The following ITGB4 variants were observed in gnomAD, a reference collection of about 807,000 sequenced individuals.
ITGB4 encodes integrin subunit beta 4, also known as integrin beta-4.
ITGB4 carries 159 observed loss-of-function variants against 207.6 expected under a neutral mutation model. The observed-to-expected ratio is 0.77, with a 90% CI of 0.67 to 0.87. The LOEUF (loss-of-function observed/expected upper bound fraction) is 0.87, where lower values mean the gene tolerates loss of function less well. Ranked by LOEUF, ITGB4 falls within the 40% of genes least tolerant of loss-of-function variation. The probability of loss-of-function intolerance (pLI) is 0.00; values close to 1 mark genes in which losing one functional copy is unlikely to be tolerated. For synonymous variants in ITGB4, 1,020 were observed against 1,062.7 expected (o/e 0.96, Z 0.78); for missense variants, 2,278 against 2,546.8 (o/e 0.89, Z 2.27).
chr17:75,734,828 G>A (rs186948239), intron 13 of ITGB4, among the ~76,000 whole-genome samples: 1 of 152,326 alleles, frequency 6.6e-6, no homozygotes, highest in African/African-American at 2.4e-5. Flanking sequence ...GAGAGAGGAA[G>A]GGAGGAAGGT....
At chr17:75,747,810 G>A (rs774149345) in intron 26 of ITGB4, among the ~76,000 whole-genome samples, 1 of 152,136 alleles carries the variant, frequency 6.6e-6, no homozygotes, top group African/African-American at 2.4e-5. Flanking sequence ...CCACCATGCC[G>A]GGCTAATGAC....
rs1221414586 is a variant in ITGB4 at position 75,743,697 on chromosome 17, C to T, written c.2963-16C>T. ...TGGGCCCAGCACACTCTGACAAATG[C>T]CCGGGCTCCTTGCAGCCAGAGACGT... On this transcript the variant is annotated splice_polypyrimidine_tract_variant and intron_variant, in intron 25 of 39. Transcript: ENST00000200181. The T allele has an allele frequency of 6.2e-7, 1 of 1,613,424 alleles. No homozygotes were observed.
Position 75,722,766 on chromosome 17 carries a change from T to TGTGTGG in ITGB4, c.-11+1159_-11+1160insGGTGTG, listed in dbSNP as rs1266847040. 1.3e-5 allele frequency among the ~76,000 whole-genome samples: 2 copies of TGTGTGG among 149,026 alleles called. No homozygotes were observed. Among genetic ancestry groups the TGTGTGG allele is most frequent in the African/African-American group, 5.1e-5 (2 of 39,524 alleles). On this transcript the variant is annotated intron_variant, in intron 1 of 39. Transcript: ENST00000200181. The surrounding 1 kb of genome is among the most constrained non-coding windows in gnomAD (Gnocchi z 6.2). ...GGTGGGTGGGCATGGCCTGTGTGTG[T>TGTGTGG]GTGTGTGTGTGTGTGTGTGTGTGTG... is the stretch of plus-strand genomic sequence containing the variant.
At chr17:75,730,781 G>A (rs1225304798) in intron 8 of ITGB4, 94 bp from the exon 9 acceptor site, 2 of 1,240,582 alleles carry the variant, frequency 1.6e-6, no homozygotes, top group East Asian at 2.3e-5. Context: ...TAGGTTCCAG[G>A]CCTCAGTTTC....
intron 18 of ITGB4, 54 bp downstream of exon 18, chr17:75,737,698 C>T (rs2061012959): frequency 2.8e-6 from 4 of 1,439,902 alleles, no homozygotes; most frequent in East Asian, 2.3e-5. Context: ...CCCACCCCAA[C>T]AGGGCCCCCA....
In ITGB4 at chr17:75,724,694, G is replaced by A. The variant is rs1218527210; in HGVS notation, c.-10G>A. On this transcript the variant is annotated splice_region_variant and 5_prime_UTR_variant, in exon 2 of 40. Transcript: ENST00000200181. The stretch of plus-strand genomic sequence containing the variant: ...TGTGTCAATTGTTGCTGTTCTGCAG[G>A]AGGAAGAGGATGGCAGGGCCACGCC... 1.1e-5 allele frequency: 18 copies of A among 1,612,300 alleles called. No individual in the cohort carries two copies. The highest frequency in any genetic ancestry group is 1.5e-5 in the Non-Finnish European group (18 of 1,178,738).
In ITGB4 at chr17:75,752,594, G is replaced by A. The variant is rs1257215914; in HGVS notation, c.4108+17G>A. ...ATGACACTGGTGAGTGGAGACCTGG[G>A]ACCCACAAGAGGACAGTGGGGGTCT... On this transcript the variant is annotated intron_variant, in intron 32 of 39. Coordinates refer to ENST00000200181, the MANE Select transcript of ITGB4 (RefSeq NM_000213.5). The A allele has an allele frequency of 6.2e-7, 1 of 1,613,220 alleles. No homozygotes were observed. The highest frequency in any genetic ancestry group is 2.2e-5 in the East Asian group (1 of 44,876).
In ITGB4 at chr17:75,752,193, G is replaced by T; in HGVS notation, c.3813G>T (p.Lys1271Asn). The change falls in exon 31 of 40, where the codon AAG (lysine) becomes AAT (asparagine). Residue 1271 changes from lysine (K) to asparagine (N), a missense_variant. Physicochemically the swap from Lys to Asn is moderately conservative, Grantham distance 94 (BLOSUM62 0). Coordinates refer to ENST00000200181, the MANE Select transcript of ITGB4 (RefSeq NM_000213.5). ...NDDNRPIGPM[K>N]KVLVDNPKNR... Reference sequence around the variant, plus strand: ...CCCCAGGACCTATTGGGCCCATGAAGAAAGTGCTGGTTGACAACCCTAAGA... The same window carrying T: ...CCCCAGGACCTATTGGGCCCATGAATAAAGTGCTGGTTGACAACCCTAAGA... The T allele has an allele frequency of 1.2e-6, 2 of 1,613,980 alleles. No homozygotes were observed. The highest frequency in any genetic ancestry group is 1.7e-6 in the Non-Finnish European group (2 of 1,180,018).
At chr17:75,721,811 G>A (rs1354438696) in intron 1 of ITGB4, among the ~76,000 whole-genome samples, 199 bp downstream of exon 1, 1 of 152,214 alleles carries the variant, frequency 6.6e-6, no homozygotes, top group Non-Finnish European at 1.5e-5. Context: ...GAGAAGGGTG[G>A]TGCCCATCAG....
intron 14 of ITGB4, 28 bp downstream of exon 14, chr17:75,736,182 T>G: frequency 6.2e-7 from 1 of 1,610,792 alleles, no homozygotes; most frequent in Non-Finnish European, 8.5e-7. Flanking sequence ...ACAGACAGTG[T>G]CTGTCAGCAC....
rs187296783 is a variant in ITGB4, at chr17:75,752,478, G to T, written c.4009G>T (p.Ala1337Ser). Reference sequence around the variant, plus strand: ...CATCCCTGACATCCCTATCGTGGACGCCCAGAGCGGGGAGGACTACGACAG... The same window carrying T: ...CATCCCTGACATCCCTATCGTGGACTCCCAGAGCGGGGAGGACTACGACAG... ...PIIPDIPIVD[A>S]QSGEDYDSFL... The change falls in exon 32 of 40, where the codon GCC becomes TCC. Residue 1337 changes from alanine (A) to serine (S), a missense_variant. By Grantham distance (99) the Ala-to-Ser change is moderately conservative (BLOSUM62 1). Coordinates refer to ENST00000200181, the MANE Select transcript of ITGB4 (RefSeq NM_000213.5). 1 of 1,613,644 alleles carries T rather than the reference G, an allele frequency of 6.2e-7. No homozygotes were observed. Among genetic ancestry groups the T allele is most frequent in the South Asian group, 1.1e-5 (1 of 91,082 alleles).
Position 75,749,050 on chromosome 17 carries a change from G to A in ITGB4, c.3316+5G>A, listed in dbSNP as rs757408144. The A allele has an allele frequency of 1.6e-5, 26 of 1,607,788 alleles. No individual in the cohort carries two copies. The highest frequency in any genetic ancestry group is 2.1e-5 in the Non-Finnish European group (25 of 1,178,894). On this transcript the variant is annotated splice_donor_5th_base_variant and intron_variant, in intron 27 of 39. Coordinates refer to ENST00000200181, the MANE Select transcript of ITGB4 (RefSeq NM_000213.5). Reference sequence around the variant, plus strand: ...CCATCATCATCAGGGACCCAGGTAGGCAGAGCCTGGGGGTCGGCTTAAGCA... The same window carrying A: ...CCATCATCATCAGGGACCCAGGTAGACAGAGCCTGGGGGTCGGCTTAAGCA...
Position 75,756,536 on chromosome 17 carries a change from G to A in ITGB4, c.4816G>A (p.Glu1606Lys). 6.2e-7 allele frequency: 1 copy of A among 1,613,302 alleles called. No individual in the cohort carries two copies. The highest frequency in any genetic ancestry group is 8.5e-7 in the Non-Finnish European group (1 of 1,180,020). Residue 1606 changes from glutamate (E) to lysine (K), a missense_variant, in exon 36 of 40, where the codon GAA becomes AAA. Coordinates refer to ENST00000200181, the MANE Select transcript of ITGB4 (RefSeq NM_000213.5). ...GTTCCGCGTGCGGGCCCAGAGCCAGGAAGGCTGGGGCCGAGAGCGTGAGGG... is the reference window on the plus strand; with the variant it reads ...GTTCCGCGTGCGGGCCCAGAGCCAGAAAGGCTGGGGCCGAGAGCGTGAGGG... ...YVFRVRAQSQ[E>K]GWGREREGVI...
chr17:75,727,486 G>T lies in ITGB4; in HGVS notation c.245G>T (p.Ser82Ile). Reference sequence around the variant, plus strand: ...CGGGAGAGCATCGTGGTCATGGAGAGCAGCTTCCAAATCACAGAGGTGCCT... The same window carrying T: ...CGGGAGAGCATCGTGGTCATGGAGATCAGCTTCCAAATCACAGAGGTGCCT... ...CQRESIVVMESSFQITEETQI... is the reference protein window; with the variant it reads ...CQRESIVVMEISFQITEETQI... The change falls in exon 4 of 40, where the codon AGC becomes ATC. Residue 82 changes from serine (S) to isoleucine (I), a missense_variant. By Grantham distance (142) the Ser-to-Ile change is moderately radical. Transcript: ENST00000200181. The surrounding 1 kb of genome is among the most constrained non-coding windows in gnomAD (Gnocchi z 6.0). The T allele has an allele frequency of 1.9e-6, 3 of 1,613,914 alleles. No individual in the cohort carries two copies. In the South Asian group the frequency reaches 3.3e-5, roughly 18 times the overall value.
In ITGB4 at chr17:75,732,361, C is replaced by T. The variant is rs1466039219; in HGVS notation, c.1454+122C>T. ...ACCTGGCTGGGGGTGGGGCGGCAAT[C>T]AAAGAAACGGCTAAGGGCGGGGCAC... On this transcript the variant is annotated intron_variant, in intron 12 of 39. Transcript: ENST00000200181. This position sits in a 1 kb window ranked among gnomAD's most constrained non-coding sequence, Gnocchi z 5.3. The T allele has an allele frequency of 1.1e-5, 10 of 939,356 alleles. No individual in the cohort carries two copies. Among genetic ancestry groups the T allele is most frequent in the Middle Eastern group, 2.7e-4 (1 of 3,656 alleles). 58.2% of individuals were successfully genotyped at this position (939,356 alleles called of 1,614,324 possible). A position where few individuals can be genotyped will look rare whatever the true frequency, so the allele number is the denominator to read the frequency against.
At position 75,753,838 on chromosome 17, in the gene ITGB4, G is replaced by A. The variant is rs764971113; in HGVS notation, c.4182G>A (p.Pro1394=). The A allele has an allele frequency of 4.2e-6, 6 of 1,442,342 alleles. No homozygotes were observed. Among genetic ancestry groups the A allele is most frequent in the Admixed American group, 4.6e-5 (2 of 43,108 alleles). The allele number at this position is 1,442,342 out of a possible 1,614,324, so 89.3% of individuals were successfully genotyped here. Residue 1394 remains proline, a synonymous_variant, in exon 33 of 40, where the codon CCG becomes CCA. Transcript: ENST00000200181. The part of the protein sequence containing the change: ...DLRRVTWRLP[P]ELIPRLSASS... The stretch of plus-strand genomic sequence containing the variant: ...GGCGCGTCACGTGGCGGCTGCCCCC[G>A]GAGCTCATCCCGCGCCTGTCGGCCA...
Position 75,727,464 on chromosome 17 carries a change from G to A in ITGB4, c.223G>A (p.Glu75Lys), listed in dbSNP as rs2060745360. ...GCTGCTGGCCGCGGGCTGCCAGCGG[G>A]AGAGCATCGTGGTCATGGAGAGCAG... ...AELLAAGCQRESIVVMESSFQ... is the reference protein window; with the variant it reads ...AELLAAGCQRKSIVVMESSFQ... The change falls in exon 4 of 40, where the codon GAG becomes AAG. Residue 75 changes from glutamate (E) to lysine (K), a missense_variant. By Grantham distance (56) the Glu-to-Lys change is moderately conservative. Transcript: ENST00000200181. The surrounding 1 kb of genome is among the most constrained non-coding windows in gnomAD (Gnocchi z 6.0). The A allele has an allele frequency of 6.2e-7, 1 of 1,613,978 alleles. No homozygotes were observed.
chr17:75,721,748 A>G (rs2060621485), intron 1 of ITGB4, 136 bp downstream of exon 1: 2 of 152,476 alleles, frequency 1.3e-5, no homozygotes, highest in African/African-American at 4.8e-5. Flanking sequence ...ACAGGTGCCC[A>G]GCCTCCCCGG....
chr17:75,742,703 C>T lies in ITGB4; in HGVS notation c.2904C>T (p.Pro968=), dbSNP rs149443215. Residue 968 remains proline (P), a synonymous_variant, in exon 25 of 40, where the codon CCC becomes CCT. Transcript: ENST00000200181. The surrounding 1 kb of genome is among the most constrained non-coding windows in gnomAD (Gnocchi z 5.9). ...TGCTGGTGGAGGCCATCGACGTGCC[C>T]GCAGGCACTGCCACCCTCGGCCGCC... is the stretch of plus-strand genomic sequence containing the variant. The part of the protein sequence containing the change: ...KQLLVEAIDV[P]AGTATLGRRL... 56 of 1,613,580 alleles carry T rather than the reference C, an allele frequency of 3.5e-5. No individual in the cohort carries two copies. The African/African-American group carries it at 3.7e-4, about 11-fold the overall frequency.
Sources: allele counts gnomAD v4.1 joint callset (sites outside exome capture counted in the v4.1 genomes callset), GRCh38; gene constraint gnomAD v4.1.1; non-coding constraint Gnocchi (gnomAD v3.1); transcripts MANE v1.5; gene names NCBI Gene and HGNC (gene_info 2026-07-23, HGNC 2026-07-21).